Variants in SASH1 observed in about 807,000 individuals in gnomAD.
The protein encoded by SASH1 is SAM and SH3 domain containing 1, also known as SAM and SH3 domain-containing protein 1.
Under a neutral mutation model 125.2 loss-of-function variants are expected in SASH1, and 44 were observed. The ratio of observed to expected loss-of-function variants is 0.35; its 90% CI spans 0.28 to 0.45. SASH1 has a LOEUF of 0.45. Ranked by LOEUF, SASH1 falls within the 20% of genes least tolerant of loss-of-function variation. The probability of loss-of-function intolerance (pLI) is 1.00; values close to 1 mark genes in which losing one functional copy is unlikely to be tolerated. For synonymous variants in SASH1, 639 were observed against 649.1 expected, an observed-to-expected ratio of 0.98 and a Z score of 0.24; for missense variants, 1,426 against 1,614.5, an observed-to-expected ratio of 0.88 and a Z score of 2.00.
intron 2 of SASH1, among the ~76,000 whole-genome samples, chr6:148,394,955 A>G (rs1342752059): frequency 2.6e-5 from 4 of 152,108 alleles, no homozygotes; most frequent in Non-Finnish European, 5.9e-5. Context: ...GTTTCTTTCT[A>G]TGTTTGTCAG....
chr6:148,444,663 C>G (rs1776699185), intron 4 of SASH1, among the ~76,000 whole-genome samples: 1 of 152,190 alleles, frequency 6.6e-6, no homozygotes, highest in South Asian at 2.1e-4. Context: ...AGCCTCTTCT[C>G]TTTATATCTA....
intron 6 of SASH1, 41 bp downstream of exon 6, chr6:148,471,544 C>G: frequency 8.4e-7 from 1 of 1,191,738 alleles, no homozygotes; most frequent in Non-Finnish European, 1.2e-6. Flanking sequence ...CCTTTTAGCT[C>G]TAACATGGGA....
chr6:148,508,046 A>G (rs1779902569), intron 8 of SASH1, among the ~76,000 whole-genome samples: 1 of 152,190 alleles, frequency 6.6e-6, no homozygotes, highest in Admixed American at 6.5e-5. Flanking sequence ...TCATCTTGTG[A>G]CACGGTCCTC....
intron 8 of SASH1, chr6:148,508,785 A>T: frequency 5.8e-6 from 7 of 1,197,404 alleles, no homozygotes; most frequent in Non-Finnish European, 7.6e-6. Context: ...GTTTGATGCT[A>T]CAAGAGTGAA....
upstream of SASH1, among the ~76,000 whole-genome samples, chr6:148,269,182 T>C (rs149584725): frequency 1.5e-3 from 234 of 152,364 alleles, no homozygotes; most frequent in African/African-American, 5.4e-3. Context: ...CTATAAATGC[T>C]TGGAGTCCCA....
intron 1 of SASH1, among the ~76,000 whole-genome samples, chr6:148,313,613 G>A (rs1388863775): frequency 6.6e-6 from 1 of 152,074 alleles, no homozygotes; most frequent in African/African-American, 2.4e-5. Flanking sequence ...CCCTTCCACT[G>A]CCCCCACTAC....
Position 148,519,764 on chromosome 6 carries a change from G to A in SASH1, c.1080G>A (p.Arg360=). The A allele has an allele frequency of 6.2e-7, 1 of 1,614,084 alleles. No individual in the cohort carries two copies. Among genetic ancestry groups the A allele is most frequent in the Non-Finnish European group, 8.5e-7 (1 of 1,180,030 alleles). The part of the protein sequence containing the change: ...LVKTFSKGES[R]GLIKPPKKMG... ...AAACCTTCAGCAAAGGAGAGAGCCG[G>A]GGCCTGATTAAGCCCCCCAAGAAGA... Residue 360 remains arginine (R), a synonymous_variant, in exon 10 of 20, where the codon CGG becomes CGA. Coordinates refer to ENST00000367467, the MANE Select transcript of SASH1 (RefSeq NM_015278.5). The surrounding 1 kb of genome is among the most constrained non-coding windows in gnomAD (Gnocchi z 4.8).
At chr6:148,546,224 C>G (rs571357439) in intron 19 of SASH1, 78 bp downstream of exon 19, 2 of 1,515,448 alleles carry the variant, frequency 1.3e-6, no homozygotes, top group Non-Finnish European at 1.8e-6. Flanking sequence ...TAACAACTGC[C>G]AAGTAGGCAA....
chr6:148,531,060 A>G (rs566617096), intron 12 of SASH1, among the ~76,000 whole-genome samples: 1 of 152,294 alleles, frequency 6.6e-6, no homozygotes, highest in East Asian at 1.9e-4. Context: ...ATAAGAATCT[A>G]GCCAATTTTT....
intron 2 of SASH1, among the ~76,000 whole-genome samples, chr6:148,418,497 T>A (rs916852025): frequency 2.0e-5 from 3 of 152,216 alleles, no homozygotes; most frequent in African/African-American, 7.2e-5. Context: ...AATTATACAA[T>A]GTTAGTAACC....
chr6:148,398,852 C>T (rs2114859995), intron 2 of SASH1, among the ~76,000 whole-genome samples: 1 of 152,260 alleles, frequency 6.6e-6, no homozygotes, highest in East Asian at 1.9e-4. Flanking sequence ...TATCTTAAGC[C>T]AGATGGTAAT....
the SASH1 span, among the ~76,000 whole-genome samples, chr6:148,245,322 G>T: frequency 1.3e-5 from 2 of 152,046 alleles, no homozygotes. Context: ...TAATAAAATC[G>T]GTTCTTGGTA....
At chr6:148,289,885 T>TTA (rs1779582825) in intron 1 of SASH1, among the ~76,000 whole-genome samples, 1 of 109,234 alleles carries the variant, frequency 9.2e-6, no homozygotes, top group Non-Finnish European at 2.0e-5. Flanking sequence ...TTTTTTTTTT[T>TTA]GAGACAGAGT....
At position 148,343,124 on chromosome 6, in the gene SASH1, G is replaced by T. The variant is rs367796404; in HGVS notation, c.57G>T (p.Pro19=). The change falls in exon 1 of 20, where the codon CCG becomes CCT. Residue 19 remains proline, a synonymous_variant. Coordinates refer to ENST00000367467, the MANE Select transcript of SASH1 (RefSeq NM_015278.5). ...PGPEPEPEPE[P]EPEPAPEPEP... ...CGGAGCCTGAGCCCGAGCCCGAGCC[G>T]GAGCCCGAGCCCGCGCCGGAGCCGG... 1.4e-6 allele frequency: 2 copies of T among 1,389,018 alleles called. No homozygotes were observed. The highest frequency in any genetic ancestry group is 1.1e-5 in the South Asian group (1 of 88,406). 86.0% of individuals were successfully genotyped at this position (1,389,018 alleles called of 1,614,324 possible).
chr6:148,314,821 A>G (rs1780439162), intron 1 of SASH1, among the ~76,000 whole-genome samples: 1 of 144,502 alleles, frequency 6.9e-6, no homozygotes, highest in Non-Finnish European at 1.5e-5. Context: ...CAGTGCCGCG[A>G]TCTTGGCTCA....
chr6:148,279,120 T>C (rs539295292), intron 1 of SASH1, among the ~76,000 whole-genome samples: 1 of 152,196 alleles, frequency 6.6e-6, no homozygotes, highest in Admixed American at 6.5e-5. Context: ...GCCTCCCAAG[T>C]AGCTGGGACT....
In SASH1 at chr6:148,395,113, A is replaced by G. The variant is rs1783897540; in HGVS notation, c.285+4851A>G. On this transcript the variant is annotated intron_variant, in intron 2 of 19. Coordinates refer to ENST00000367467, the MANE Select transcript of SASH1 (RefSeq NM_015278.5). ...GATTTGTTGTATCTGCTCTAGAAAAAGTCATTTTAGAAGACAGCCTTGGGG... is the reference window on the plus strand; with the variant it reads ...GATTTGTTGTATCTGCTCTAGAAAAGGTCATTTTAGAAGACAGCCTTGGGG... Among the ~76,000 whole-genome samples the G allele has an allele frequency of 2.0e-5, 3 of 152,236 alleles. No homozygotes were observed. The South Asian group carries it at 6.2e-4, about 32-fold the overall frequency.
In SASH1 at chr6:148,532,630, C is replaced by T. The variant is rs758689111; in HGVS notation, c.1565-167C>T. On this transcript the variant is annotated intron_variant, in intron 13 of 19. Coordinates refer to ENST00000367467, the MANE Select transcript of SASH1 (RefSeq NM_015278.5). The surrounding 1 kb of genome is among the most constrained non-coding windows in gnomAD (Gnocchi z 4.7). The stretch of plus-strand genomic sequence containing the variant: ...CACTGAGGAGCTGAGGGATAGCACT[C>T]GGAGAATTCATAACTGGGCCCTGCC... 6.6e-6 allele frequency among the ~76,000 whole-genome samples: 1 copy of T among 152,188 alleles called. No homozygotes were observed. Among genetic ancestry groups the T allele is most frequent in the Non-Finnish European group, 1.5e-5 (1 of 68,028 alleles).
At chr6:148,332,585 A>G (rs1781027175) in intron 1 of SASH1, among the ~76,000 whole-genome samples, 1 of 144,738 alleles carries the variant, frequency 6.9e-6, no homozygotes, top group Admixed American at 7.2e-5. Context: ...TCTCAAATCC[A>G]ACAGAGCTTT....
Sources: allele counts gnomAD v4.1 joint callset (sites outside exome capture counted in the v4.1 genomes callset), GRCh38; gene constraint gnomAD v4.1.1; non-coding constraint Gnocchi (gnomAD v3.1); transcripts MANE v1.5; gene names NCBI Gene and HGNC (gene_info 2026-07-23, HGNC 2026-07-21).